Variants in NCOA2 observed in about 807,000 individuals in gnomAD.
NCOA2 encodes nuclear receptor coactivator 2.
A neutral mutation model predicts 145.1 loss-of-function variants in NCOA2; 21 were observed. The ratio of observed to expected loss-of-function variants is 0.14; its 90% confidence interval spans 0.10 to 0.21. The LOEUF (loss-of-function observed/expected upper bound fraction) is 0.21, where lower values mean the gene tolerates loss of function less well. NCOA2 is among the 10% of genes least tolerant of loss of function. The pLI, the probability that NCOA2 is intolerant of heterozygous loss-of-function variation, is 1.00. For missense variants in NCOA2, 1,472 were observed against 1,837.6 expected (o/e 0.80, Z 3.64); for synonymous variants, 619 against 637.5 (o/e 0.97, Z 0.44).
At chr8:70,396,423 A>G (rs1305881205) in intron 1 of NCOA2, among the ~76,000 whole-genome samples, 1 of 152,216 alleles carries the variant, frequency 6.6e-6, no homozygotes, top group African/African-American at 2.4e-5. Context: ...TTACTGATCT[A>G]TGTTACTTCA....
chr8:70,142,950 TTTTG>T (rs1810613698), intron 13 of NCOA2, among the ~76,000 whole-genome samples: 1 of 151,306 alleles, frequency 6.6e-6, no homozygotes, highest in South Asian at 2.1e-4. Context: ...GTTTTGTTTT[TTTTG>T]TTTTTTTTTT....
chr8:70,170,997 T>C (rs769005132), intron 5 of NCOA2, among the ~76,000 whole-genome samples: 3 of 152,218 alleles, frequency 2.0e-5, no homozygotes, highest in Non-Finnish European at 2.9e-5. Context: ...CAAACTCACC[T>C]TCATGGGGAC....
At chr8:70,255,743 C>T (rs1823582898) in intron 2 of NCOA2, among the ~76,000 whole-genome samples, 1 of 152,194 alleles carries the variant, frequency 6.6e-6, no homozygotes. Context: ...CACACAATCA[C>T]TATAATCAAT....
At chr8:70,136,412 AG>A (rs1261838136) in intron 15 of NCOA2, among the ~76,000 whole-genome samples, 1 of 152,178 alleles carries the variant, frequency 6.6e-6, no homozygotes, top group African/African-American at 2.4e-5. Context: ...TTAATGCAAA[AG>A]GAAGTCTTTC....
intron 2 of NCOA2, among the ~76,000 whole-genome samples, chr8:70,275,650 T>C (rs980731313): frequency 6.6e-6 from 1 of 152,168 alleles, no homozygotes; most frequent in Non-Finnish European, 1.5e-5. Context: ...AAATTTTGAA[T>C]TAATGTTTCT....
chr8:70,362,110 T>G (rs1461147425), intron 1 of NCOA2, among the ~76,000 whole-genome samples: 1 of 152,232 alleles, frequency 6.6e-6, no homozygotes, highest in Non-Finnish European at 1.5e-5. Flanking sequence ...TTGATTTTTT[T>G]GGAGCACAGA....
chr8:70,268,146 G>A (rs1449894084), intron 2 of NCOA2, among the ~76,000 whole-genome samples: 1 of 152,028 alleles, frequency 6.6e-6, no homozygotes, highest in Non-Finnish European at 1.5e-5. Flanking sequence ...CCTACCCTTG[G>A]GACCTTCATT....
chr8:70,158,121 T>C (rs1201936663), intron 10 of NCOA2, among the ~76,000 whole-genome samples: 3 of 152,246 alleles, frequency 2.0e-5, no homozygotes, highest in African/African-American at 7.2e-5. Context: ...TGGGTGAAAT[T>C]TGCCACATCT....
At chr8:70,230,262 C>T (rs1821018459) in intron 2 of NCOA2, among the ~76,000 whole-genome samples, 1 of 152,052 alleles carries the variant, frequency 6.6e-6, no homozygotes, top group Non-Finnish European at 1.5e-5. Flanking sequence ...TATGAAATGT[C>T]CAAAATAAGC....
chr8:70,113,711 C>A, intron 22 of NCOA2, 68 bp from the exon 23 acceptor site: 1 of 1,418,036 alleles, frequency 7.1e-7, no homozygotes, highest in Non-Finnish European at 9.7e-7. Flanking sequence ...ATAAAGCCCA[C>A]CACAAAAACA....
Position 70,110,963 on chromosome 8 carries a change from A to C in NCOA2, c.*2669T>G, listed in dbSNP as rs1806486212. On this transcript the variant is annotated 3_prime_UTR_variant, in exon 23 of 23. Transcript: ENST00000452400. ...ACAAAAACCAAGTACTCAGTCTAAC[A>C]AATTTATTGTGTACAGCATGAGAAA... 4.5e-6 allele frequency: 1 copy of C among 222,764 alleles called. No homozygotes were observed. The highest frequency in any genetic ancestry group is 1.8e-4 in the South Asian group (1 of 5,446). 13.8% of individuals were successfully genotyped at this position (222,764 alleles called of 1,614,324 possible). A position where few individuals can be genotyped will look rare whatever the true frequency, so the allele number is the denominator to read the frequency against.
intron 2 of NCOA2, among the ~76,000 whole-genome samples, chr8:70,267,489 C>T (rs1824714026): frequency 6.6e-6 from 1 of 151,718 alleles, no homozygotes; most frequent in African/African-American, 2.4e-5. Context: ...CCTCAATCTC[C>T]CAGACTCAGG....
the NCOA2 span, among the ~76,000 whole-genome samples, chr8:70,442,159 GAA>G: frequency 7.7e-5 from 11 of 143,762 alleles, no homozygotes; most frequent in African/African-American, 2.7e-4. Flanking sequence ...AAGAAAGAAA[GAA>G]AGAGAAAGGC....
intron 1 of NCOA2, among the ~76,000 whole-genome samples, chr8:70,329,982 A>G (rs1373779106): frequency 6.6e-6 from 1 of 152,226 alleles, no homozygotes; most frequent in African/African-American, 2.4e-5. Flanking sequence ...CTGGAGTGAT[A>G]TAAATATCCT....
chr8:70,192,333 AAAAG>A (rs1816785113), intron 4 of NCOA2, among the ~76,000 whole-genome samples: 2 of 152,322 alleles, frequency 1.3e-5, no homozygotes, highest in Non-Finnish European at 2.9e-5. Flanking sequence ...GAGGGGAAAA[AAAAG>A]AAATAAACTG....
rs192303568 is a variant in NCOA2, at chr8:70,213,288, T to A, written c.259+615A>T. 2.2e-3 allele frequency among the ~76,000 whole-genome samples: 330 copies of A among 152,322 alleles called. 3 individuals are homozygous for A. The highest frequency in any genetic ancestry group is 7.6e-3 in the African/African-American group (316 of 41,576). On this transcript the variant is annotated intron_variant, in intron 4 of 22. Coordinates refer to ENST00000452400, the MANE Select transcript of NCOA2 (RefSeq NM_006540.4). ...GTTCTTAAAAACATTATTTTCTTGA[T>A]ATTTTTCTGTAGGCATAAATATCAA...
At chr8:70,203,261 C>CAAAAAAAAAA (rs34990647) in intron 4 of NCOA2, among the ~76,000 whole-genome samples, 14 of 121,906 alleles carry the variant, frequency 1.1e-4, no homozygotes, top group South Asian at 2.5e-4. Flanking sequence ...GACTCTGTCT[C>CAAAAAAAAAA]AAAAAAAAAA....
chr8:70,327,677 C>T (rs1188017670), intron 1 of NCOA2, among the ~76,000 whole-genome samples: 2 of 152,106 alleles, frequency 1.3e-5, no homozygotes, highest in Non-Finnish European at 2.9e-5. Flanking sequence ...GGAAAAAAAC[C>T]GACCTGGATT....
At chr8:70,452,070 G>A in the NCOA2 span, among the ~76,000 whole-genome samples, 1 of 152,210 alleles carries the variant, frequency 6.6e-6, no homozygotes, top group East Asian at 1.9e-4. Context: ...TGTCTCCCAG[G>A]CTCAGGTGAT....
Sources: gnomAD v4.1 joint callset for allele counts (sites outside exome capture counted in the v4.1 genomes callset) on GRCh38, gnomAD v4.1.1 for gene constraint, MANE v1.5 for transcripts, NCBI Gene and HGNC (gene_info 2026-07-23, HGNC 2026-07-21) for gene names.